The following LBH variants were observed in gnomAD, a reference collection of about 807,000 sequenced individuals.
LBH encodes protein LBH.
Under a neutral mutation model 12.5 loss-of-function variants are expected in LBH, and 7 were observed. The ratio of observed to expected loss-of-function variants is 0.56; its 90% CI spans 0.32 to 1.05. The LOEUF (loss-of-function observed/expected upper bound fraction) is 1.05, where lower values mean the gene tolerates loss of function less well. LBH is among the 50% of genes least tolerant of loss of function. LBH has a pLI of 0.04. For synonymous variants in LBH, 51 were observed against 50.1 expected, an observed-to-expected ratio of 1.02 and a Z score of -0.08; for missense variants, 119 against 138.9, an observed-to-expected ratio of 0.86 and a Z score of 0.72.
At chr2:30,236,861 C>T (rs556161247) in intron 2 of LBH, among the ~76,000 whole-genome samples, 83 of 152,228 alleles carry the variant, frequency 5.5e-4, no homozygotes, top group Non-Finnish European at 9.0e-4. Flanking sequence ...AAAATTAGGA[C>T]TTTGAGAGGG....
chr2:30,237,392 TC>T (rs2103556527), intron 2 of LBH, among the ~76,000 whole-genome samples: 1 of 152,364 alleles, frequency 6.6e-6, no homozygotes, highest in Admixed American at 6.5e-5. Context: ...CTGTGACGTT[TC>T]TTTTAATGCC....
intron 2 of LBH, among the ~76,000 whole-genome samples, chr2:30,249,826 A>G (rs1055531793): frequency 3.3e-5 from 5 of 152,198 alleles, no homozygotes; most frequent in Non-Finnish European, 5.9e-5. Flanking sequence ...GCATGTTCAC[A>G]CATACCTGTG....
At chr2:30,241,780 T>C (rs926981976) in intron 2 of LBH, among the ~76,000 whole-genome samples, 5 of 152,130 alleles carry the variant, frequency 3.3e-5, no homozygotes, top group Non-Finnish European at 5.9e-5. Context: ...GTTTCTTAAA[T>C]TTTTTTGTTT....
intron 1 of LBH, chr2:30,232,397 C>A: frequency 1.2e-6 from 1 of 815,952 alleles, no homozygotes; most frequent in Non-Finnish European, 1.8e-6. Context: ...CTTCGCCGTG[C>A]TGAAGGGGAA....
intron 2 of LBH, chr2:30,256,526 T>G (rs1213053570): frequency 6.6e-6 from 1 of 152,242 alleles, no homozygotes; most frequent in African/African-American, 2.4e-5. Flanking sequence ...TTTTGTTTTT[T>G]TTTATTTTCA....
At position 30,259,377 on chromosome 2, in the gene LBH, C is replaced by A. The variant is rs1678150033; in HGVS notation, c.*1756C>A. The A allele has an allele frequency of 1.3e-5, 2 of 152,702 alleles. No homozygotes were observed. Among genetic ancestry groups the A allele is most frequent in the Non-Finnish European group, 2.9e-5 (2 of 68,076 alleles). 9.5% of individuals were successfully genotyped at this position (152,702 alleles called of 1,614,324 possible). A position where few individuals can be genotyped will look rare whatever the true frequency, so the allele number is the denominator to read the frequency against. On this transcript the variant is annotated 3_prime_UTR_variant, in exon 3 of 3. Coordinates refer to ENST00000395323, the MANE Select transcript of LBH (RefSeq NM_030915.4). ...TCAATGGCAATAACTTCTTCCAACTCCTCGCAGAAGTGGGAGAGGCCGGCA... is the reference window on the plus strand; with the variant it reads ...TCAATGGCAATAACTTCTTCCAACTACTCGCAGAAGTGGGAGAGGCCGGCA...
At chr2:30,238,327 T>C (rs1455670831) in intron 2 of LBH, among the ~76,000 whole-genome samples, 1 of 152,184 alleles carries the variant, frequency 6.6e-6, no homozygotes, top group Non-Finnish European at 1.5e-5. Context: ...GCTCCTTGGT[T>C]TTCATTTAAA....
chr2:30,236,152 TC>T (rs1335923435), intron 2 of LBH, among the ~76,000 whole-genome samples: 1 of 152,252 alleles, frequency 6.6e-6, no homozygotes, highest in Non-Finnish European at 1.5e-5. Context: ...AGTCATCTGT[TC>T]ATCTTGTGTG....
At chr2:30,250,071 G>A (rs914017097) in intron 2 of LBH, among the ~76,000 whole-genome samples, 31 of 152,154 alleles carry the variant, frequency 2.0e-4, no homozygotes. Context: ...GGGTCATAGC[G>A]ATAATAAAAG....
chr2:30,241,470 T>C (rs1026286730), intron 2 of LBH, among the ~76,000 whole-genome samples: 3 of 150,742 alleles, frequency 2.0e-5, no homozygotes, highest in African/African-American at 7.3e-5. Context: ...CTTTTTTTTT[T>C]TTTTTTGAGA....
At chr2:30,254,070 T>C (rs1008595880) in intron 2 of LBH, among the ~76,000 whole-genome samples, 1 of 152,172 alleles carries the variant, frequency 6.6e-6, no homozygotes, top group African/African-American at 2.4e-5. Context: ...AGGTTTCTTA[T>C]CCACAAAATA....
At chr2:30,231,845 G>T in intron 1 of LBH, 81 bp downstream of exon 1, 1 of 1,326,836 alleles carries the variant, frequency 7.5e-7, no homozygotes, top group Non-Finnish European at 1.0e-6. Context: ...GCCGGCTCCG[G>T]GTGCGAGGGC....
chr2:30,255,694 A>ACC (rs1678072146), intron 2 of LBH, among the ~76,000 whole-genome samples: 1 of 152,154 alleles, frequency 6.6e-6, no homozygotes, highest in Non-Finnish European at 1.5e-5. Context: ...GTTGGGTTGC[A>ACC]ATAAGACCGG....
chr2:30,257,371 G>A (rs1678103422), intron 2 of LBH, 62 bp from the exon 3 acceptor site: 7 of 1,571,388 alleles, frequency 4.5e-6, no homozygotes, highest in Non-Finnish European at 6.1e-6. Flanking sequence ...GTGCAAAGAA[G>A]GAATGGAATT....
chr2:30,235,566 A>C (rs1677674543), intron 2 of LBH, among the ~76,000 whole-genome samples: 1 of 152,126 alleles, frequency 6.6e-6, no homozygotes, highest in African/African-American at 2.4e-5. Context: ...GGGTCTGTCT[A>C]ACCCCAGAGC....
intron 2 of LBH, among the ~76,000 whole-genome samples, chr2:30,239,712 C>A (rs192896456): frequency 3.9e-4 from 59 of 152,288 alleles, no homozygotes; most frequent in Non-Finnish European, 7.8e-4. Flanking sequence ...GTAGAACAGG[C>A]AGTTAGGGCC....
At chr2:30,248,660 G>A (rs1170307636) in intron 2 of LBH, among the ~76,000 whole-genome samples, 1 of 152,176 alleles carries the variant, frequency 6.6e-6, no homozygotes, top group Non-Finnish European at 1.5e-5. Flanking sequence ...CAGTCAAAAA[G>A]TCGTGAATAT....
intron 2 of LBH, among the ~76,000 whole-genome samples, chr2:30,237,129 T>A (rs1236894640): frequency 6.6e-6 from 1 of 152,216 alleles, no homozygotes; most frequent in East Asian, 1.9e-4. Context: ...GGGCAGGGGA[T>A]CTCGGAGCTC....
At chr2:30,234,231 T>TG (rs1677641191) in intron 1 of LBH, 174 bp from the exon 2 acceptor site, 15 of 596,834 alleles carry the variant, frequency 2.5e-5, no homozygotes, top group East Asian at 2.8e-5. Flanking sequence ...CCTGGGGCTG[T>TG]GGGCTTGCAA....
Sources: allele counts gnomAD v4.1 joint callset (sites outside exome capture counted in the v4.1 genomes callset), GRCh38; gene constraint gnomAD v4.1.1; transcripts MANE v1.5; gene names NCBI Gene and HGNC (gene_info 2026-07-23, HGNC 2026-07-21).